GPAM: variants seen among roughly 807,000 people sequenced by gnomAD.
GPAM encodes glycerol-3-phosphate acyltransferase 1, mitochondrial.
In GPAM, 56 loss-of-function variants were observed where a neutral mutation model predicts 105.0. The ratio of observed to expected loss-of-function variants is 0.53; its 90% confidence interval spans 0.43 to 0.67. GPAM has a LOEUF of 0.67. GPAM is among the 30% of genes least tolerant of loss of function. The pLI is 0.00. For missense variants in GPAM, 855 were observed against 989.8 expected, an observed-to-expected ratio of 0.86 and a Z score of 1.83; for synonymous variants, 368 against 354.4, an observed-to-expected ratio of 1.04 and a Z score of -0.43.
chr10:112,180,228 C>T (rs1847483357), intron 4 of GPAM, among the ~76,000 whole-genome samples: 1 of 152,156 alleles, frequency 6.6e-6, no homozygotes. Flanking sequence ...TCTACTCTCC[C>T]CCTTAAAATC....
At chr10:112,198,179 T>C (rs888290790) in intron 1 of GPAM, among the ~76,000 whole-genome samples, 2 of 152,192 alleles carry the variant, frequency 1.3e-5, no homozygotes, top group African/African-American at 4.8e-5. Context: ...ACAGAGTGGG[T>C]ACTAGGTAAT....
At chr10:112,163,980 A>G (rs1311854836) in intron 13 of GPAM, among the ~76,000 whole-genome samples, 164 bp from the exon 14 acceptor site, 1 of 152,234 alleles carries the variant, frequency 6.6e-6, no homozygotes, top group Non-Finnish European at 1.5e-5. Flanking sequence ...AATATACTAC[A>G]TTATGGCCTG....
At chr10:112,188,494 C>T (rs978750051), upstream of GPAM, among the ~76,000 whole-genome samples, 2 of 152,160 alleles carry the variant, frequency 1.3e-5, no homozygotes, top group Admixed American at 1.3e-4. Flanking sequence ...GCTGGTCCCA[C>T]CCATTGTACC....
At chr10:112,215,949 C>T (rs1223093916), upstream of GPAM, among the ~76,000 whole-genome samples, 1 of 152,182 alleles carries the variant, frequency 6.6e-6, no homozygotes, top group Non-Finnish European at 1.5e-5. Context: ...CCTTTCAAAA[C>T]TATTATTGCT....
intron 19 of GPAM, chr10:112,156,950 C>A: frequency 7.2e-6 from 4 of 553,486 alleles, no homozygotes; most frequent in Non-Finnish European, 1.3e-5. Flanking sequence ...AAACTGCTGC[C>A]TCATGAGGGG....
intron 1 of GPAM, among the ~76,000 whole-genome samples, chr10:112,201,969 G>A (rs887193640): frequency 6.6e-6 from 1 of 152,246 alleles, no homozygotes; most frequent in Admixed American, 6.5e-5. Flanking sequence ...TTGCACAACA[G>A]CCCTCCAAGA....
intron 5 of GPAM, among the ~76,000 whole-genome samples, chr10:112,177,742 A>G (rs1847432925): frequency 6.6e-6 from 1 of 151,856 alleles, no homozygotes. Context: ...AATATAAGTC[A>G]AAGAACATTC....
intron 9 of GPAM, among the ~76,000 whole-genome samples, chr10:112,170,331 A>G (rs1218947963): frequency 6.6e-6 from 1 of 152,228 alleles, no homozygotes; most frequent in Non-Finnish European, 1.5e-5. Context: ...TGGTTTGTGA[A>G]TGGGTAGACT....
chr10:112,175,480 G>A, intron 6 of GPAM, 120 bp downstream of exon 6: 2 of 723,846 alleles, frequency 2.8e-6, no homozygotes, highest in Non-Finnish European at 5.1e-6. Flanking sequence ...GTTTGGAAAT[G>A]TGAACACTTC....
chr10:112,181,222 AT>A (rs1345380457), intron 3 of GPAM, among the ~76,000 whole-genome samples: 5 of 151,752 alleles, frequency 3.3e-5, no homozygotes, highest in Non-Finnish European at 5.9e-5. Context: ...TATAAAGACA[AT>A]TAAGATATTT....
At chr10:112,175,569 T>C in intron 6 of GPAM, 31 bp downstream of exon 6, 1 of 1,173,258 alleles carries the variant, frequency 8.5e-7, no homozygotes, top group Non-Finnish European at 1.3e-6. Flanking sequence ...TCCCTGCCTC[T>C]TCCCACCTTT....
rs762910957 is a variant in GPAM at position 112,173,805 on chromosome 10, G to T, written c.454C>A (p.Pro152Thr). 3 of 1,612,972 alleles carry T rather than the reference G, an allele frequency of 1.9e-6. No individual in the cohort carries two copies. The highest frequency in any genetic ancestry group is 2.2e-5 in the East Asian group (1 of 44,862). The change falls in exon 7 of 22, where the codon CCT (proline) becomes ACT (threonine). Residue 152 changes from proline to threonine, a missense_variant. Physicochemically the swap from Pro to Thr is conservative, Grantham distance 38. Transcript: ENST00000348367. ...GATTGCTGCTGGGCAGAACCATCAG[G>T]GTTTAATTCAGCAGCCACTTCTGCA... ...AIAEVAAELNPDGSAQQQSKA... is the reference protein window; with the variant it reads ...AIAEVAAELNTDGSAQQQSKA...
At chr10:112,222,602 T>A in the GPAM span, among the ~76,000 whole-genome samples, 1 of 152,152 alleles carries the variant, frequency 6.6e-6, no homozygotes, top group African/African-American at 2.4e-5. Flanking sequence ...AATGGGAACA[T>A]CTCAGGCTTT....
rs766195375 is a variant in GPAM, at chr10:112,156,076, T to C, written c.2122-23A>G. On this transcript the variant is annotated intron_variant, in intron 19 of 21. Coordinates refer to ENST00000348367, the MANE Select transcript of GPAM (RefSeq NM_001244949.2). ...CACCTGAGTGTGCAAAAGCAGGAGA[T>C]GAAGTCATGAGGAAGGGACAAGAGA... 6.4e-6 allele frequency: 10 copies of C among 1,567,470 alleles called. No individual in the cohort carries two copies. The East Asian group carries it at 6.7e-5, about 11-fold the overall frequency.
rs1847105156 is a variant in GPAM, at chr10:112,160,632, A to G, written c.1731T>C (p.Leu577=). Residue 577 remains leucine (L), a synonymous_variant, in exon 16 of 22, where the codon CTT becomes CTC. Coordinates refer to ENST00000348367, the MANE Select transcript of GPAM (RefSeq NM_001244949.2). ...FELNFYSNGV[L]HVFIMEAIIA... is the part of the protein sequence containing the mutation. Reference sequence around the variant, plus strand: ...TGATGGCCTCCATGATAAAGACATGAAGTACCCCATTGCTGTAGAAGTTGA... The same window carrying G: ...TGATGGCCTCCATGATAAAGACATGGAGTACCCCATTGCTGTAGAAGTTGA... 1 of 1,613,204 alleles carries G rather than the reference A, an allele frequency of 6.2e-7. No homozygotes were observed.
At chr10:112,219,195 C>T (rs1020956775), upstream of GPAM, among the ~76,000 whole-genome samples, 1 of 152,286 alleles carries the variant, frequency 6.6e-6, no homozygotes, top group African/African-American at 2.4e-5. Flanking sequence ...CAGTCCCAAC[C>T]AAAGCCCACA....
chr10:112,185,867 A>T (rs1301712284), upstream of GPAM, among the ~76,000 whole-genome samples: 1 of 148,638 alleles, frequency 6.7e-6, no homozygotes, highest in East Asian at 1.9e-4. Flanking sequence ...ACTGAAAGTA[A>T]AAGTAGAGTA....
intron 21 of GPAM, chr10:112,154,369 C>A: frequency 3.8e-6 from 2 of 528,932 alleles, no homozygotes; most frequent in Non-Finnish European, 6.8e-6. Context: ...ATATTGATAC[C>A]AGTTATATAT....
At chr10:112,168,753 A>C (rs1460872264) in intron 10 of GPAM, 100 bp downstream of exon 10, 3 of 847,508 alleles carry the variant, frequency 3.5e-6, no homozygotes, top group Non-Finnish European at 6.1e-6. Context: ...CCAGTTACTC[A>C]AAGAGCAGTT....
Sources: gnomAD v4.1 joint callset for allele counts (sites outside exome capture counted in the v4.1 genomes callset) on GRCh38, gnomAD v4.1.1 for gene constraint, MANE v1.5 for transcripts, NCBI Gene and HGNC (gene_info 2026-07-23, HGNC 2026-07-21) for gene names.